Variants in TRPM3 observed in about 807,000 individuals in gnomAD.
TRPM3 encodes the protein transient receptor potential cation channel subfamily M member 3.
A neutral mutation model predicts 181.2 loss-of-function variants in TRPM3; 77 were observed. That is an observed-to-expected ratio of 0.42 (90% CI 0.35 to 0.51). The LOEUF is 0.51. Ranked by LOEUF, TRPM3 falls within the 20% of genes least tolerant of loss-of-function variation. The pLI is 0.01. For missense variants in TRPM3, 1,759 were observed against 2,196.7 expected (o/e 0.80, Z 3.98); for synonymous variants, 745 against 796.4 (o/e 0.94, Z 1.09).
intron 6 of TRPM3, among the ~76,000 whole-genome samples, chr9:70,799,619 T>C (rs1352192332): frequency 1.3e-5 from 2 of 152,294 alleles, no homozygotes; most frequent in African/African-American, 4.8e-5. Context: ...TCTCCACATA[T>C]AGAATTGAAT....
At chr9:71,278,205 C>T (rs2084375682) in intron 1 of TRPM3, among the ~76,000 whole-genome samples, 1 of 152,206 alleles carries the variant, frequency 6.6e-6, no homozygotes, top group African/African-American at 2.4e-5. Context: ...TGTCCTAAAT[C>T]CTAGCACTTG....
At chr9:71,359,906 CTATTA>C (rs1281269902) in intron 1 of TRPM3, among the ~76,000 whole-genome samples, 1 of 152,018 alleles carries the variant, frequency 6.6e-6, no homozygotes, top group Non-Finnish European at 1.5e-5. Flanking sequence ...ATATAAAATA[CTATTA>C]TAAGATAAGA....
At chr9:71,145,766 G>T (rs922961000) in intron 1 of TRPM3, among the ~76,000 whole-genome samples, 6 of 152,076 alleles carry the variant, frequency 3.9e-5, no homozygotes, top group African/African-American at 1.4e-4. Context: ...TTTTCCAAGT[G>T]TAACTAAAAT....
At chr9:71,301,112 T>C (rs1206511773) in intron 1 of TRPM3, among the ~76,000 whole-genome samples, 2 of 152,084 alleles carry the variant, frequency 1.3e-5, no homozygotes, top group Non-Finnish European at 2.9e-5. Flanking sequence ...GAAAACAGAA[T>C]ACCTGCCCTC....
chr9:71,122,117 A>T (rs1247849929), upstream of TRPM3, among the ~76,000 whole-genome samples: 2 of 152,168 alleles, frequency 1.3e-5, no homozygotes, highest in Non-Finnish European at 2.9e-5. Context: ...CAGTTTTTAA[A>T]TGGGGGTTAT....
intron 1 of TRPM3, among the ~76,000 whole-genome samples, chr9:71,438,027 A>T (rs2094073621): frequency 6.7e-6 from 1 of 149,264 alleles, no homozygotes; most frequent in South Asian, 2.1e-4. Flanking sequence ...CCAAAAACTC[A>T]AATTAAAACT....
At position 71,109,466 on chromosome 9, in the gene TRPM3, G is replaced by A. The variant is rs142755437; in HGVS notation, c.177+11712C>T. ...TTTGCTTTATTAAGTTGAAAGGAAC[G>A]GAATTCATATAAACTGCATACCAAC... On this transcript the variant is annotated intron_variant, in intron 1 of 25. Transcript: ENST00000677713. Among the ~76,000 whole-genome samples the A allele has an allele frequency of 3.2e-3, 482 of 152,072 alleles. 2 individuals carry two copies. Among genetic ancestry groups the A allele is most frequent in the African/African-American group, 0.011 (458 of 41,492 alleles).
intron 1 of TRPM3, among the ~76,000 whole-genome samples, chr9:71,320,734 C>T (rs2089142756): frequency 6.6e-6 from 1 of 152,102 alleles, no homozygotes; most frequent in Non-Finnish European, 1.5e-5. Context: ...GTAACTCCAA[C>T]CCAGATCTCC....
At chr9:70,916,352 T>C (rs2096594449) in intron 1 of TRPM3, among the ~76,000 whole-genome samples, 1 of 152,230 alleles carries the variant, frequency 6.6e-6, no homozygotes, top group African/African-American at 2.4e-5. Context: ...TATAGAATAT[T>C]ATAAAACTGT....
At chr9:70,912,887 A>C (rs1347822843) in intron 1 of TRPM3, among the ~76,000 whole-genome samples, 1 of 152,208 alleles carries the variant, frequency 6.6e-6, no homozygotes. Flanking sequence ...TAATTTGATG[A>C]GGCTTAACAT....
chr9:71,288,648 T>C (rs1053781455), intron 1 of TRPM3, among the ~76,000 whole-genome samples: 1 of 152,110 alleles, frequency 6.6e-6, no homozygotes, highest in Non-Finnish European at 1.5e-5. Flanking sequence ...GGAGAATTCC[T>C]TGGAGGCCAG....
intron 6 of TRPM3, among the ~76,000 whole-genome samples, chr9:70,787,401 A>G (rs1347886556): frequency 6.6e-6 from 1 of 152,172 alleles, no homozygotes; most frequent in African/African-American, 2.4e-5. Context: ...TGTTCCATGG[A>G]TAATAAAAGC....
At chr9:70,761,119 A>G (rs1247583516) in intron 8 of TRPM3, 1 of 278,800 alleles carries the variant, frequency 3.6e-6, no homozygotes, top group African/African-American at 2.2e-5. Context: ...TTAGAAACAC[A>G]TTTTGCTCTG....
intron 1 of TRPM3, among the ~76,000 whole-genome samples, chr9:71,244,044 G>A (rs528589938): frequency 1.3e-5 from 2 of 152,106 alleles, no homozygotes; most frequent in South Asian, 2.1e-4. Flanking sequence ...CAGCCATCTC[G>A]AGACAACAGT....
At chr9:71,430,191 A>G (rs1270909170) in intron 1 of TRPM3, among the ~76,000 whole-genome samples, 2 of 152,236 alleles carry the variant, frequency 1.3e-5, no homozygotes, top group African/African-American at 2.4e-5. Flanking sequence ...TGAAAATGTT[A>G]CCCACATAAT....
chr9:71,016,308 G>A (rs1327908600), intron 1 of TRPM3, among the ~76,000 whole-genome samples: 1 of 151,624 alleles, frequency 6.6e-6, no homozygotes, highest in African/African-American at 2.4e-5. Flanking sequence ...ATTTTTAAGT[G>A]TACAGTTTGC....
In TRPM3 at chr9:71,289,875, CAAAAAAA is replaced by C. The variant is rs71352367; in HGVS notation, c.183+156771_183+156777del. On this transcript the variant is annotated intron_variant, in intron 1 of 24. Coordinates refer to the TRPM3 transcript ENST00000357533. ...TGGGTGACAGAGCAAGACTCTGTCT[CAAAAAAA>C]AAAAAAAAAAAAAAAAAAAGCTAGA... is the stretch of plus-strand genomic sequence containing the variant. Among the ~76,000 whole-genome samples the C allele has an allele frequency of 7.5e-4, 30 of 39,790 alleles. 1 individual carries two copies. The highest frequency in any genetic ancestry group is 3.7e-3 in the East Asian group (3 of 808). 26.1% of individuals were successfully genotyped at this position (39,790 alleles called of 152,430 possible). A position where few individuals can be genotyped will look rare whatever the true frequency, so the allele number is the denominator to read the frequency against.
At chr9:71,322,594 T>C (rs2089331424) in intron 1 of TRPM3, among the ~76,000 whole-genome samples, 1 of 152,144 alleles carries the variant, frequency 6.6e-6, no homozygotes, top group Admixed American at 6.6e-5. Context: ...GACAACATTT[T>C]AGGAGCAAGA....
intron 1 of TRPM3, among the ~76,000 whole-genome samples, chr9:71,322,457 G>C (rs1468565092): frequency 6.6e-6 from 1 of 152,064 alleles, no homozygotes; most frequent in Non-Finnish European, 1.5e-5. Context: ...AATCCAACTT[G>C]ATATATTATT....
Sources: allele counts gnomAD v4.1 joint callset (sites outside exome capture counted in the v4.1 genomes callset), GRCh38; gene constraint gnomAD v4.1.1; transcripts MANE v1.5; gene names NCBI Gene and HGNC (gene_info 2026-07-23, HGNC 2026-07-21).